PLP1: variants seen among roughly 807,000 people sequenced by gnomAD.
PLP1 encodes proteolipid protein 1, also known as myelin proteolipid protein.
In PLP1, 2 loss-of-function variants were observed where a neutral mutation model predicts 18.5. The observed-to-expected ratio is 0.11, with a 90% confidence interval of 0.04 to 0.34. The LOEUF is 0.34. PLP1 is among the 10% of genes least tolerant of loss of function. The pLI, the probability that PLP1 is intolerant of heterozygous loss-of-function variation, is 1.00. For missense variants in PLP1, 105 were observed against 207.3 expected (o/e 0.51, Z 3.03); for synonymous variants, 86 against 83.2 (o/e 1.03, Z -0.19).
intron 3 of PLP1, among the ~76,000 whole-genome samples, chrX:103,787,331 CA>C (rs1404862128): frequency 9.0e-6 from 1 of 111,301 alleles, no homozygotes; most frequent in Non-Finnish European, 1.9e-5. Flanking sequence ...TGGGTTCCAG[CA>C]ATGTCTTTTT....
chrX:103,786,312 G>T, intron 2 of PLP1, 153 bp from the exon 3 acceptor site: 1 of 1,080,484 alleles, frequency 9.3e-7, no homozygotes. Flanking sequence ...AAGATAAGGT[G>T]AAAGCATGCA....
At chrX:103,786,864 A>G in intron 3 of PLP1, 138 bp downstream of exon 3, 1 of 658,323 alleles carries the variant, frequency 1.5e-6, no homozygotes, top group Non-Finnish European at 2.5e-6. Flanking sequence ...GCTGCAGCCG[A>G]ACGAGAAGGT....
At chrX:103,784,856 C>T (rs1382717869) in intron 1 of PLP1, among the ~76,000 whole-genome samples, 7 of 111,983 alleles carry the variant, frequency 6.3e-5, no homozygotes, top group Admixed American at 4.7e-4. Context: ...CTCTTCATAT[C>T]CCGTATAACA....
chrX:103,786,183 T>A, intron 2 of PLP1: 10 of 1,125,580 alleles, frequency 8.9e-6, no homozygotes, highest in Non-Finnish European at 1.2e-5. Flanking sequence ...AGTTAGCATG[T>A]CTGAAGGGTG....
rs181449808 is a variant in PLP1 at position 103,778,668 on chromosome X, G to A, written c.4+1669G>A. On this transcript the variant is annotated intron_variant, in intron 1 of 6. Transcript: ENST00000621218. ...TGCCACAGATAAGGGCACGATTGAG[G>A]ATGCACATTGGGTCCCAGGTCCTAA... 2.4e-3 allele frequency among the ~76,000 whole-genome samples: 265 copies of A among 111,790 alleles called. 3 individuals carry two copies. The highest frequency in any genetic ancestry group is 8.2e-3 in the African/African-American group (251 of 30,776).
intron 1 of PLP1, among the ~76,000 whole-genome samples, chrX:103,782,319 A>G: frequency 8.9e-6 from 1 of 112,451 alleles, no homozygotes; most frequent in East Asian, 2.8e-4. Flanking sequence ...ATTAAAGCCT[A>G]CTTCTTTCTT....
At position 103,792,559 on chromosome X, in the gene PLP1, A is replaced by G; in HGVS notation, c.*1961A>G. 1 of 112,844 alleles carries G rather than the reference A, an allele frequency of 8.9e-6. No individual in the cohort carries two copies. Among genetic ancestry groups the G allele is most frequent in the East Asian group, 2.8e-4 (1 of 3,632 alleles). The allele number at this position is 112,844 out of a possible 1,213,427, so 9.3% of individuals were successfully genotyped here. A position where few individuals can be genotyped will look rare whatever the true frequency, so the allele number is the denominator to read the frequency against. On this transcript the variant is annotated 3_prime_UTR_variant, in exon 7 of 7. Coordinates refer to ENST00000621218, the MANE Select transcript of PLP1 (RefSeq NM_000533.5). Reference sequence around the variant, plus strand: ...ATAAAGGATAAACTTTTAGAAACTTATCTTACAAAGTGTATTTTATAAAAT... The same window carrying G: ...ATAAAGGATAAACTTTTAGAAACTTGTCTTACAAAGTGTATTTTATAAAAT...
upstream of PLP1, chrX:103,776,783 G>A (rs2074414107): frequency 2.3e-6 from 1 of 427,035 alleles, no homozygotes. Flanking sequence ...GGGAGGAGGA[G>A]AGGAGGAGGA....
rs1300807715 is a variant in PLP1 at position 103,779,092 on chromosome X, T to C, written c.4+2093T>C. Among the ~76,000 whole-genome samples the C allele has an allele frequency of 7.1e-5, 8 of 112,245 alleles. No homozygotes were observed. The Admixed American group carries it at 7.6e-4, about 11-fold the overall frequency. On this transcript the variant is annotated intron_variant, in intron 1 of 6. Coordinates refer to ENST00000621218, the MANE Select transcript of PLP1 (RefSeq NM_000533.5). ...CTGCACAAAAGATTTATGGGGAAAATGATAGCTCATTAATTTTTGCCTTGA... is the reference window on the plus strand; with the variant it reads ...CTGCACAAAAGATTTATGGGGAAAACGATAGCTCATTAATTTTTGCCTTGA...
intron 5 of PLP1, 23 bp from the exon 6 acceptor site, chrX:103,789,310 C>G (rs1569428492): frequency 8.7e-7 from 1 of 1,151,126 alleles, no homozygotes; most frequent in Admixed American, 2.2e-5. Context: ...AGAAACAGTT[C>G]TTCCTCTTTC....
chrX:103,783,811 T>A (rs2074472951), intron 1 of PLP1, among the ~76,000 whole-genome samples: 1 of 112,033 alleles, frequency 8.9e-6, no homozygotes, highest in Non-Finnish European at 1.9e-5. Context: ...TAATACAATT[T>A]ATTTTTATTG....
chrX:103,780,957 A>C (rs1330893448), intron 1 of PLP1: 1 of 145,533 alleles, frequency 6.9e-6, no homozygotes, highest in Non-Finnish European at 1.4e-5. Flanking sequence ...ACTGTAGTGC[A>C]GATTCGAGAC....
intron 1 of PLP1, chrX:103,781,454 C>T (rs1031943071): frequency 3.5e-5 from 7 of 201,687 alleles, no homozygotes; most frequent in African/African-American, 1.7e-4. Context: ...ATGACATGAT[C>T]TTTTCCCTTT....
chrX:103,780,433 C>CTGTGTGTG (rs1410759465), intron 1 of PLP1, among the ~76,000 whole-genome samples: 1 of 26,607 alleles, frequency 3.8e-5, no homozygotes, highest in Non-Finnish European at 1.0e-4. Flanking sequence ...TTCATTCTGT[C>CTGTGTGTG]TCTCTCTGTG....
chrX:103,790,974 T>A lies in PLP1; in HGVS notation c.*376T>A, dbSNP rs1042440. The A allele has an allele frequency of 4.1e-6, 1 of 243,807 alleles. No individual in the cohort carries two copies. Among genetic ancestry groups the A allele is most frequent in the Non-Finnish European group, 7.4e-6 (1 of 134,859 alleles). The allele number at this position is 243,807 out of a possible 1,213,427, so 20.1% of individuals were successfully genotyped here. On this transcript the variant is annotated 3_prime_UTR_variant, in exon 7 of 7. Transcript: ENST00000621218. ...GATGGAAACAAAGTGGAAGGAAAGA[T>A]GCTCAGGTACAGAGAAGGAATGTCT...
At position 103,776,985 on chromosome X, in the gene PLP1, G is replaced by A. The variant is rs1206481660; in HGVS notation, c.-11G>A. 1.7e-6 allele frequency: 2 copies of A among 1,202,229 alleles called. No individual in the cohort carries two copies. The highest frequency in any genetic ancestry group is 2.3e-6 in the Non-Finnish European group (2 of 888,300). ...CCAGCCGGCTACAATTGGAGTCAGA[G>A]TCCCAAAGACATGGGTAAGTTTCAA... On this transcript the variant is annotated 5_prime_UTR_variant, in exon 1 of 7. Transcript: ENST00000621218.
chrX:103,784,911 G>A (rs1364360039), intron 1 of PLP1, among the ~76,000 whole-genome samples: 1 of 112,105 alleles, frequency 8.9e-6, no homozygotes, highest in Non-Finnish European at 1.9e-5. Context: ...ATAAATAGTT[G>A]ATGAATGACT....
intron 2 of PLP1, 166 bp downstream of exon 2, chrX:103,785,934 C>A: frequency 1.4e-6 from 1 of 702,092 alleles, no homozygotes; most frequent in Non-Finnish European, 2.1e-6. Flanking sequence ...ACATTCGAAG[C>A]CCATTCAGAA....
At chrX:103,789,532 G>A in intron 6 of PLP1, 134 bp downstream of exon 6, 1 of 556,932 alleles carries the variant, frequency 1.8e-6, no homozygotes, top group Middle Eastern at 3.1e-4. Context: ...AGATAGCAAA[G>A]GGTGGAGGCT....
Sources: allele counts gnomAD v4.1 joint callset (sites outside exome capture counted in the v4.1 genomes callset), GRCh38; gene constraint gnomAD v4.1.1; transcripts MANE v1.5; gene names NCBI Gene and HGNC (gene_info 2026-07-23, HGNC 2026-07-21).